Variants in RSPO2 observed in about 807,000 individuals in gnomAD.
RSPO2 encodes the protein R-spondin 2, also known as R-spondin-2.
A neutral mutation model predicts 30.9 loss-of-function variants in RSPO2; 14 were observed. The observed-to-expected ratio is 0.45, with a 90% CI of 0.30 to 0.71. The LOEUF is 0.71. RSPO2 is among the 30% of genes least tolerant of loss of function. RSPO2 has a pLI of 0.08. For missense variants in RSPO2, 264 were observed against 301.9 expected, an observed-to-expected ratio of 0.87 and a Z score of 0.93; for synonymous variants, 107 against 96.4, an observed-to-expected ratio of 1.11 and a Z score of -0.64.
chr8:107,942,011 G>A (rs970810702), intron 5 of RSPO2, among the ~76,000 whole-genome samples: 2 of 152,224 alleles, frequency 1.3e-5, no homozygotes, highest in African/African-American at 4.8e-5. Flanking sequence ...TTAGAGGGGG[G>A]ATGTTCTGTG....
chr8:107,993,158 A>G lies in RSPO2; in HGVS notation c.95-3914T>C, dbSNP rs141488512. The stretch of plus-strand genomic sequence containing the variant: ...GAAGGAAGCCAAACTTAAAGCATTC[A>G]GAGTTTCCGCATTATCAGTGAGGAA... On this transcript the variant is annotated intron_variant, in intron 2 of 5. Transcript: ENST00000276659. 1.3e-3 allele frequency among the ~76,000 whole-genome samples: 194 copies of G among 152,322 alleles called. 3 individuals are homozygous for G. Among genetic ancestry groups the G allele is most frequent in the Middle Eastern group, 6.8e-3 (2 of 294 alleles).
At chr8:107,940,950 G>A (rs145309810) in intron 5 of RSPO2, among the ~76,000 whole-genome samples, 5 of 152,164 alleles carry the variant, frequency 3.3e-5, no homozygotes, top group Admixed American at 3.3e-4. Flanking sequence ...AGCGGTTTGA[G>A]TTCCCTGCTA....
At chr8:108,047,564 G>A (rs1227280577) in intron 2 of RSPO2, among the ~76,000 whole-genome samples, 1 of 152,150 alleles carries the variant, frequency 6.6e-6, no homozygotes, top group Non-Finnish European at 1.5e-5. Flanking sequence ...TTGGAAGCCT[G>A]TGGTCAGGCA....
At chr8:108,038,892 T>A (rs1347500723) in intron 2 of RSPO2, among the ~76,000 whole-genome samples, 1 of 152,176 alleles carries the variant, frequency 6.6e-6, no homozygotes, top group Non-Finnish European at 1.5e-5. Flanking sequence ...TTTGTGTGAC[T>A]CACTTTACTG....
intron 3 of RSPO2, chr8:107,983,282 C>T (rs1814514372): frequency 6.3e-7 from 1 of 1,596,428 alleles, no homozygotes. Context: ...GCTCATCTTT[C>T]ACTGGAATTG....
chr8:108,065,830 T>G (rs1053225037), intron 2 of RSPO2, among the ~76,000 whole-genome samples: 1 of 151,928 alleles, frequency 6.6e-6, no homozygotes, highest in Admixed American at 6.6e-5. Flanking sequence ...CTGAGATCAG[T>G]AGTTCCAGAC....
chr8:108,047,835 A>G (rs547623328), intron 2 of RSPO2, among the ~76,000 whole-genome samples: 1 of 148,246 alleles, frequency 6.7e-6, no homozygotes, highest in African/African-American at 2.5e-5. Context: ...TGGGTGAGAG[A>G]GCAAGACTCC....
At chr8:108,073,362 C>G (rs757999211) in intron 2 of RSPO2, among the ~76,000 whole-genome samples, 12 of 152,170 alleles carry the variant, frequency 7.9e-5, no homozygotes, top group Admixed American at 1.3e-4. Flanking sequence ...CATGTGTTTT[C>G]ATTGCTGAGG....
chr8:108,081,615 A>T (rs1813200273), intron 2 of RSPO2, among the ~76,000 whole-genome samples: 1 of 152,190 alleles, frequency 6.6e-6, no homozygotes, highest in Non-Finnish European at 1.5e-5. Context: ...TTCTTCTAAA[A>T]TGCAGTTGGA....
chr8:107,987,531 T>C (rs1356554628), intron 3 of RSPO2, among the ~76,000 whole-genome samples: 3 of 152,168 alleles, frequency 2.0e-5, no homozygotes, highest in African/African-American at 7.2e-5. Context: ...TGTTTAAAAA[T>C]GTTTGGGGAC....
intron 5 of RSPO2, among the ~76,000 whole-genome samples, chr8:107,950,015 G>A (rs543748815): frequency 9.9e-5 from 15 of 152,214 alleles, no homozygotes; most frequent in East Asian, 9.7e-4. Flanking sequence ...TGACGACATC[G>A]TCCACCATGT....
In RSPO2 at chr8:107,998,930, C is replaced by T. The variant is rs140560752; in HGVS notation, c.95-9686G>A. On this transcript the variant is annotated intron_variant, in intron 2 of 5. Coordinates refer to ENST00000276659, the MANE Select transcript of RSPO2 (RefSeq NM_178565.5). ...GGCATGGTGCCGCATGCCTGTAATCCCAGCTACTCAGGAGGCTGAGACAGA... is the reference window on the plus strand; with the variant it reads ...GGCATGGTGCCGCATGCCTGTAATCTCAGCTACTCAGGAGGCTGAGACAGA... 6.7e-3 allele frequency among the ~76,000 whole-genome samples: 1,026 copies of T among 152,062 alleles called. 13 individuals carry two copies. Among genetic ancestry groups the T allele is most frequent in the African/African-American group, 0.024 (977 of 41,506 alleles).
intron 3 of RSPO2, among the ~76,000 whole-genome samples, chr8:107,968,485 C>A (rs1317428433): frequency 6.6e-6 from 1 of 151,908 alleles, no homozygotes; most frequent in Non-Finnish European, 1.5e-5. Flanking sequence ...GGGCTACAAT[C>A]ATATAGTTAG....
At chr8:108,047,284 A>G (rs983388556) in intron 2 of RSPO2, among the ~76,000 whole-genome samples, 1 of 152,228 alleles carries the variant, frequency 6.6e-6, no homozygotes, top group Admixed American at 6.5e-5. Context: ...CCTGTTACAC[A>G]TATTTAAGCA....
intron 3 of RSPO2, among the ~76,000 whole-genome samples, chr8:107,966,862 T>C (rs757499783): frequency 1.3e-5 from 2 of 152,296 alleles, no homozygotes; most frequent in East Asian, 3.9e-4. Context: ...CAATCAATTA[T>C]TGGAGAAAGG....
chr8:108,032,547 A>G (rs1478871440), intron 2 of RSPO2, among the ~76,000 whole-genome samples: 3 of 152,226 alleles, frequency 2.0e-5, no homozygotes, highest in East Asian at 3.8e-4. Flanking sequence ...TTCAAAATTA[A>G]GATATTAAAA....
rs754722790 is a variant in RSPO2 at position 107,945,241 on chromosome 8, CTTTTTTTTTTTTTTTT to C, written c.616+12823_616+12838del. Among the ~76,000 whole-genome samples the C allele has an allele frequency of 1.2e-4, 9 of 74,820 alleles. 1 individual carries two copies. Among genetic ancestry groups the C allele is most frequent in the Non-Finnish European group, 2.1e-4 (9 of 43,454 alleles). The allele number at this position is 74,820 out of a possible 152,430, so 49.1% of individuals were successfully genotyped here. On this transcript the variant is annotated intron_variant, in intron 5 of 5. Coordinates refer to ENST00000276659, the MANE Select transcript of RSPO2 (RefSeq NM_178565.5). ...TTATCTCCTGAGTTCATTCTTTTACCTTTTTTTTTTTTTTTTTTTTTTTTTGAGACAGAGTCTCACT... is the reference window on the plus strand; with the variant it reads ...TTATCTCCTGAGTTCATTCTTTTACCTTTTTTTTTGAGACAGAGTCTCACT...
intron 5 of RSPO2, among the ~76,000 whole-genome samples, chr8:107,930,411 A>G (rs1812515923): frequency 6.6e-6 from 1 of 152,212 alleles, no homozygotes; most frequent in Non-Finnish European, 1.5e-5. Flanking sequence ...ATTAAATTTC[A>G]CAGGCTCTAT....
intron 2 of RSPO2, among the ~76,000 whole-genome samples, chr8:108,069,272 G>A (rs1366630415): frequency 6.6e-6 from 1 of 152,060 alleles, no homozygotes; most frequent in Non-Finnish European, 1.5e-5. Flanking sequence ...GGAGTGCAGT[G>A]GCACAATCTC....
Sources: gnomAD v4.1 joint callset for allele counts (sites outside exome capture counted in the v4.1 genomes callset) on GRCh38, gnomAD v4.1.1 for gene constraint, MANE v1.5 for transcripts, NCBI Gene and HGNC (gene_info 2026-07-23, HGNC 2026-07-21) for gene names.